Variants in SYNPR observed in about 807,000 individuals in gnomAD.
SYNPR encodes the protein synaptoporin.
In SYNPR, 23 loss-of-function variants were observed where a neutral mutation model predicts 32.9. The ratio of observed to expected loss-of-function variants is 0.70; its 90% CI spans 0.50 to 0.99. The LOEUF is 0.99. Ranked by LOEUF, SYNPR falls within the 50% of genes least tolerant of loss-of-function variation. SYNPR has a pLI of 0.00. For synonymous variants in SYNPR, 146 were observed against 135.9 expected, an observed-to-expected ratio of 1.07 and a Z score of -0.52; for missense variants, 318 against 349.3, an observed-to-expected ratio of 0.91 and a Z score of 0.71.
chr3:63,363,291 A>G (rs1355693725), intron 2 of SYNPR, among the ~76,000 whole-genome samples: 2 of 152,242 alleles, frequency 1.3e-5, no homozygotes, highest in East Asian at 3.8e-4. Context: ...AAAAATAATA[A>G]TAATTCCTCA....
chr3:63,389,556 G>A (rs2088105007), intron 2 of SYNPR, among the ~76,000 whole-genome samples: 1 of 152,136 alleles, frequency 6.6e-6, no homozygotes, highest in Admixed American at 6.5e-5. Context: ...ACCAATCACT[G>A]AGGTTGGCAG....
chr3:63,363,510 A>G (rs1560205865), intron 2 of SYNPR, among the ~76,000 whole-genome samples: 1 of 152,230 alleles, frequency 6.6e-6, no homozygotes, highest in Non-Finnish European at 1.5e-5. Context: ...GTTTAGAACA[A>G]GAGGAAATGT....
intron 2 of SYNPR, among the ~76,000 whole-genome samples, chr3:63,336,142 AGT>A (rs2087291270): frequency 6.6e-6 from 1 of 152,146 alleles, no homozygotes; most frequent in African/African-American, 2.4e-5. Flanking sequence ...AATAATATGC[AGT>A]GACAAAAAAT....
rs569131427 is a variant in SYNPR, at chr3:63,374,955, G to A, written c.84+96213G>A. 5.8e-4 allele frequency among the ~76,000 whole-genome samples: 88 copies of A among 152,120 alleles called. 1 individual carries two copies. The highest frequency in any genetic ancestry group is 4.6e-3 in the South Asian group (22 of 4,810). On this transcript the variant is annotated intron_variant, in intron 2 of 5. Transcript: ENST00000478300. Reference sequence around the variant, plus strand: ...TCCATTGGCCTATATATCTGTTTTTGTACCAGTACCATGCTGTTTTGGTTA... The same window carrying A: ...TCCATTGGCCTATATATCTGTTTTTATACCAGTACCATGCTGTTTTGGTTA...
chr3:63,428,427 C>T (rs958837952), intron 2 of SYNPR, among the ~76,000 whole-genome samples: 8 of 152,208 alleles, frequency 5.3e-5, no homozygotes, highest in African/African-American at 1.2e-4. Context: ...CTGTATGAAA[C>T]ATAAGATAGC....
intron 2 of SYNPR, chr3:63,427,449 C>T (rs1489853175): frequency 6.6e-6 from 1 of 152,154 alleles, no homozygotes. Flanking sequence ...AAGAAAAGTA[C>T]ATACTTAGAA....
At chr3:63,597,930 A>G (rs1253075630) in intron 4 of SYNPR, among the ~76,000 whole-genome samples, 1 of 152,128 alleles carries the variant, frequency 6.6e-6, no homozygotes, top group African/African-American at 2.4e-5. Context: ...CTGAGCTGCC[A>G]TCTTGCTATT....
chr3:63,309,745 C>T (rs1284754634), intron 2 of SYNPR, among the ~76,000 whole-genome samples: 1 of 152,040 alleles, frequency 6.6e-6, no homozygotes, highest in East Asian at 2.0e-4. Flanking sequence ...CATGCATGTG[C>T]TGACCACTCC....
chr3:63,284,887 T>C (rs2086666194), intron 2 of SYNPR, among the ~76,000 whole-genome samples: 1 of 152,212 alleles, frequency 6.6e-6, no homozygotes, highest in Non-Finnish European at 1.5e-5. Context: ...TACATCATTG[T>C]GTTGAATCTG....
At chr3:63,588,206 T>G (rs1387581820) in intron 4 of SYNPR, among the ~76,000 whole-genome samples, 2 of 152,080 alleles carry the variant, frequency 1.3e-5, no homozygotes, top group Non-Finnish European at 2.9e-5. Flanking sequence ...GAATACACCT[T>G]CACAGATGGT....
rs1040385482 is a variant in SYNPR, at chr3:63,605,868, G to T, written c.409-3257G>T. ...GAGCAGCAGACAGAGGGCCTATGCC[G>T]CTGGAGTGATCACAGGTCCCTGCTA... On this transcript the variant is annotated intron_variant, in intron 4 of 5. Transcript: ENST00000478300. Among the ~76,000 whole-genome samples the T allele has an allele frequency of 2.6e-5, 4 of 152,340 alleles. No homozygotes were observed. The Middle Eastern group carries it at 0.01, about 389-fold the overall frequency.
chr3:63,405,823 T>C lies in SYNPR; in HGVS notation c.85-75009T>C, dbSNP rs189990010. ...ATAATAGAATCCACAAAGCCTTGTT[T>C]GAATGCTGTGTTACTGGAGAACATG... is the stretch of plus-strand genomic sequence containing the variant. On this transcript the variant is annotated intron_variant, in intron 2 of 5. Coordinates refer to ENST00000478300, the MANE Select transcript of SYNPR (RefSeq NM_001130003.2). Among the ~76,000 whole-genome samples, 6 of 152,318 alleles carry C rather than the reference T, an allele frequency of 3.9e-5. No homozygotes were observed. In the East Asian group the frequency reaches 1.2e-3, roughly 29 times the overall value.
chr3:63,295,497 G>A (rs1021070332), intron 2 of SYNPR, among the ~76,000 whole-genome samples: 2 of 152,024 alleles, frequency 1.3e-5, no homozygotes, highest in Admixed American at 6.5e-5. Flanking sequence ...ATTCCGAACC[G>A]CTCCCAGAGA....
intron 2 of SYNPR, among the ~76,000 whole-genome samples, chr3:63,446,444 C>A (rs183653198): frequency 6.6e-6 from 1 of 152,170 alleles, no homozygotes; most frequent in Non-Finnish European, 1.5e-5. Flanking sequence ...AATTCAGAGT[C>A]CCCAAATGCA....
the SYNPR span, among the ~76,000 whole-genome samples, chr3:63,207,378 A>G: frequency 6.6e-6 from 1 of 152,222 alleles, no homozygotes; most frequent in East Asian, 1.9e-4. Context: ...TAGATTTGAA[A>G]TCAAGAACCA....
intron 3 of SYNPR, among the ~76,000 whole-genome samples, chr3:63,496,675 T>A (rs1370829680): frequency 1.3e-5 from 2 of 152,152 alleles, no homozygotes; most frequent in African/African-American, 2.4e-5. Flanking sequence ...CTTAATTACT[T>A]TAGTGAGAAT....
intron 3 of SYNPR, among the ~76,000 whole-genome samples, chr3:63,524,949 G>C (rs958604025): frequency 6.6e-6 from 1 of 151,156 alleles, no homozygotes; most frequent in African/African-American, 2.4e-5. Context: ...GACAAGACAG[G>C]TAACTTTAGG....
chr3:63,480,802 G>A (rs1701031697), intron 2 of SYNPR, 30 bp from the exon 3 acceptor site: 1 of 1,609,702 alleles, frequency 6.2e-7, no homozygotes, highest in Non-Finnish European at 8.5e-7. Context: ...CCTAATAACT[G>A]CCTTCTATTT....
At chr3:63,601,552 G>C (rs376277184) in intron 4 of SYNPR, among the ~76,000 whole-genome samples, 1 of 152,004 alleles carries the variant, frequency 6.6e-6, no homozygotes, top group African/African-American at 2.4e-5. Context: ...TTGTGTCCAC[G>C]TGTACTTTAA....
Sources: allele counts gnomAD v4.1 joint callset (sites outside exome capture counted in the v4.1 genomes callset), GRCh38; gene constraint gnomAD v4.1.1; transcripts MANE v1.5; gene names NCBI Gene and HGNC (gene_info 2026-07-23, HGNC 2026-07-21).